LRRC4C: variants seen among roughly 807,000 people sequenced by gnomAD.
LRRC4C encodes the protein leucine-rich repeat-containing protein 4C.
A neutral mutation model predicts 33.6 loss-of-function variants in LRRC4C; 5 were observed. That is an observed-to-expected ratio of 0.15 (90% CI 0.08 to 0.31). The LOEUF (loss-of-function observed/expected upper bound fraction) is 0.31, where lower values mean the gene tolerates loss of function less well. LRRC4C is among the 10% of genes least tolerant of loss of function. LRRC4C has a pLI of 1.00. For synonymous variants in LRRC4C, 329 were observed against 302.0 expected (o/e 1.09, Z -0.93); for missense variants, 560 against 796.7 (o/e 0.70, Z 3.58).
intron 1 of LRRC4C, among the ~76,000 whole-genome samples, chr11:40,943,979 C>G (rs1015272846): frequency 6.6e-6 from 1 of 152,132 alleles, no homozygotes; most frequent in Non-Finnish European, 1.5e-5. Context: ...TTAACTTCAC[C>G]AAGCTTTAGT....
At chr11:40,197,060 A>G (rs1862319981) in intron 5 of LRRC4C, among the ~76,000 whole-genome samples, 1 of 152,224 alleles carries the variant, frequency 6.6e-6, no homozygotes, top group Non-Finnish European at 1.5e-5. Flanking sequence ...GAAATAACAC[A>G]CAACAAAATA....
At chr11:40,138,261 G>A (rs1857125768) in intron 6 of LRRC4C, among the ~76,000 whole-genome samples, 1 of 151,618 alleles carries the variant, frequency 6.6e-6, no homozygotes, top group African/African-American at 2.4e-5. Flanking sequence ...TTGAACTTCT[G>A]GGCTCAAGTA....
rs750199522 is a variant in LRRC4C, at chr11:40,115,147, T to C, written c.1146A>G (p.Thr382=). ...ELKCRASTSL[T]SVSWITPNGT... is the part of the protein sequence containing the mutation. ...CATTTGGAGTAATCCAAGATACAGA[T>C]GTCAGGGATGTGGAGGCCCGACATT... Residue 382 remains threonine, a synonymous_variant, in exon 7 of 7, where the codon ACA becomes ACG. Coordinates refer to ENST00000528697, the MANE Select transcript of LRRC4C (RefSeq NM_001258419.2). This position sits in a 1 kb window ranked among gnomAD's most constrained non-coding sequence, Gnocchi z 6.7. 1 of 1,614,202 alleles carries C rather than the reference T, an allele frequency of 6.2e-7. No individual in the cohort carries two copies. The highest frequency in any genetic ancestry group is 8.5e-7 in the Non-Finnish European group (1 of 1,180,034).
At chr11:40,265,099 A>G (rs1942153490) in intron 4 of LRRC4C, among the ~76,000 whole-genome samples, 1 of 152,226 alleles carries the variant, frequency 6.6e-6, no homozygotes, top group Admixed American at 6.5e-5. Context: ...CCCCGCTCCC[A>G]CTTTTAGCCA....
intron 3 of LRRC4C, among the ~76,000 whole-genome samples, chr11:40,613,180 T>A (rs1044858822): frequency 2.6e-5 from 4 of 151,904 alleles, no homozygotes; most frequent in African/African-American, 9.7e-5. Context: ...TGACTCTTTC[T>A]TTCATGAAAC....
intron 1 of LRRC4C, among the ~76,000 whole-genome samples, chr11:41,128,843 T>C (rs1942877183): frequency 6.6e-6 from 1 of 152,064 alleles, no homozygotes; most frequent in South Asian, 2.1e-4. Flanking sequence ...AGTTACATCC[T>C]GTGAGGATAT....
chr11:41,253,921 G>T (rs1948720254), intron 1 of LRRC4C, among the ~76,000 whole-genome samples: 1 of 152,110 alleles, frequency 6.6e-6, no homozygotes, highest in East Asian at 1.9e-4. Flanking sequence ...ATTTCCCTAA[G>T]CCCGTTCTAT....
At chr11:41,021,337 C>T (rs1855972735) in intron 1 of LRRC4C, among the ~76,000 whole-genome samples, 1 of 151,730 alleles carries the variant, frequency 6.6e-6, no homozygotes, top group Non-Finnish European at 1.5e-5. Flanking sequence ...CCTTTGCCAC[C>T]TTCACCTCTA....
At chr11:40,270,792 C>T (rs1942635393) in intron 4 of LRRC4C, among the ~76,000 whole-genome samples, 1 of 152,142 alleles carries the variant, frequency 6.6e-6, no homozygotes, top group Admixed American at 6.6e-5. Flanking sequence ...ACTTCTGCTA[C>T]CACAGCATCT....
chr11:40,974,383 A>T (rs1321665403), intron 1 of LRRC4C, among the ~76,000 whole-genome samples: 1 of 152,160 alleles, frequency 6.6e-6, no homozygotes, highest in Non-Finnish European at 1.5e-5. Context: ...GCACCTTAAC[A>T]TTCAGTGTAT....
intron 4 of LRRC4C, among the ~76,000 whole-genome samples, chr11:40,298,847 A>G (rs1020170602): frequency 1.3e-5 from 2 of 152,154 alleles, no homozygotes; most frequent in African/African-American, 4.8e-5. Context: ...ACTGTCTTAC[A>G]AAATCAGCAG....
At position 40,979,790 on chromosome 11, in the gene LRRC4C, C is replaced by G. The variant is rs115233999; in HGVS notation, c.-495-46067G>C. Among the ~76,000 whole-genome samples, 1,522 of 152,296 alleles carry G rather than the reference C, an allele frequency of 1.0e-2. 22 individuals carry two copies. The highest frequency in any genetic ancestry group is 0.035 in the African/African-American group (1,441 of 41,548). On this transcript the variant is annotated intron_variant, in intron 1 of 6. Coordinates refer to ENST00000528697, the MANE Select transcript of LRRC4C (RefSeq NM_001258419.2). ...TGAAACATATTCCTTGTCTGGACCA[C>G]ATACAATGAGATTTTCAAATATCCA...
At chr11:40,269,395 T>C (rs1477354409) in intron 4 of LRRC4C, among the ~76,000 whole-genome samples, 2 of 152,178 alleles carry the variant, frequency 1.3e-5, no homozygotes, top group African/African-American at 2.4e-5. Flanking sequence ...ATTATTATTG[T>C]CCCCACTTAG....
chr11:40,709,582 T>TC (rs1430330493), intron 2 of LRRC4C, among the ~76,000 whole-genome samples: 16 of 152,214 alleles, frequency 1.1e-4, no homozygotes, highest in African/African-American at 3.9e-4. Context: ...CTGCTGTTAG[T>TC]CTGATGGGCT....
intron 3 of LRRC4C, among the ~76,000 whole-genome samples, chr11:40,515,137 G>C (rs1955511618): frequency 6.6e-6 from 1 of 152,076 alleles, no homozygotes; most frequent in Non-Finnish European, 1.5e-5. Context: ...CTTTGGTTTA[G>C]AGTCTAAGTT....
chr11:41,335,940 C>T (rs1456723627), intron 1 of LRRC4C, among the ~76,000 whole-genome samples: 3 of 152,158 alleles, frequency 2.0e-5, no homozygotes, highest in African/African-American at 7.2e-5. Flanking sequence ...ATTGTAGACA[C>T]TTTAACGATT....
chr11:40,518,059 G>A (rs1417544742), intron 3 of LRRC4C, among the ~76,000 whole-genome samples: 4 of 152,128 alleles, frequency 2.6e-5, no homozygotes, highest in Non-Finnish European at 4.4e-5. Flanking sequence ...CTAGCCATAA[G>A]CAGAAAAGTA....
chr11:40,764,667 T>A (rs1385695513), intron 2 of LRRC4C, among the ~76,000 whole-genome samples: 1 of 152,142 alleles, frequency 6.6e-6, no homozygotes, highest in Non-Finnish European at 1.5e-5. Flanking sequence ...TGAGACCCAG[T>A]GCAGTCCCAG....
At chr11:40,551,480 A>G (rs959131408) in intron 3 of LRRC4C, among the ~76,000 whole-genome samples, 1 of 152,014 alleles carries the variant, frequency 6.6e-6, no homozygotes, top group African/African-American at 2.4e-5. Flanking sequence ...GGAGTTTTAC[A>G]TGAGTTAATT....
Sources: gnomAD v4.1 joint callset for allele counts (sites outside exome capture counted in the v4.1 genomes callset) on GRCh38, gnomAD v4.1.1 for gene constraint, Gnocchi (gnomAD v3.1) non-coding constraint, MANE v1.5 for transcripts, NCBI Gene and HGNC (gene_info 2026-07-23, HGNC 2026-07-21) for gene names.